Variants in PRDM11 observed in about 807,000 individuals in gnomAD.
The protein encoded by PRDM11 is PR domain-containing protein 11.
A neutral mutation model predicts 97.8 loss-of-function variants in PRDM11; 20 were observed. The ratio of observed to expected loss-of-function variants is 0.20; its 90% CI spans 0.14 to 0.30. PRDM11 has a LOEUF of 0.30. Among genes scored for constraint, PRDM11 ranks in the 10% least tolerant of loss-of-function variants. The probability of loss-of-function intolerance (pLI) is 1.00; values close to 1 mark genes in which losing one functional copy is unlikely to be tolerated. For missense variants in PRDM11, 1,139 were observed against 1,555.2 expected (o/e 0.73, Z 4.50); for synonymous variants, 599 against 637.7 (o/e 0.94, Z 0.91).
At chr11:45,153,203 C>T (rs996959878) in intron 1 of PRDM11, among the ~76,000 whole-genome samples, 90 of 152,292 alleles carry the variant, frequency 5.9e-4, no homozygotes, top group Non-Finnish European at 2.8e-4. Context: ...CGAGGGGACC[C>T]GCAGATAAAA....
intron 1 of PRDM11, among the ~76,000 whole-genome samples, chr11:45,100,852 A>G (rs1011094260): frequency 6.6e-6 from 1 of 152,244 alleles, no homozygotes; most frequent in Non-Finnish European, 1.5e-5. Context: ...AGCTTGAGGT[A>G]GGAACTGGGT....
At chr11:45,118,434 A>G (rs1852350662) in intron 1 of PRDM11, among the ~76,000 whole-genome samples, 1 of 152,202 alleles carries the variant, frequency 6.6e-6, no homozygotes, top group African/African-American at 2.4e-5. Flanking sequence ...AAAAAATAAA[A>G]TCTACCAAAA....
At chr11:45,123,669 A>C (rs1328793007) in intron 1 of PRDM11, among the ~76,000 whole-genome samples, 1 of 149,984 alleles carries the variant, frequency 6.7e-6, no homozygotes, top group Non-Finnish European at 1.5e-5. Context: ...ATGCAGCATT[A>C]TTTCTGAGGG....
chr11:45,152,219 A>G (rs1851676945), intron 1 of PRDM11, among the ~76,000 whole-genome samples: 1 of 151,936 alleles, frequency 6.6e-6, no homozygotes, highest in Admixed American at 6.6e-5. Context: ...GGCACATACC[A>G]CCACACTTGG....
intron 1 of PRDM11, among the ~76,000 whole-genome samples, chr11:45,175,070 T>C (rs1408082059): frequency 6.6e-6 from 1 of 152,238 alleles, no homozygotes; most frequent in East Asian, 1.9e-4. Flanking sequence ...CACATCCAGC[T>C]TCCCGGTTAT....
upstream of PRDM11, among the ~76,000 whole-genome samples, chr11:45,144,807 T>C (rs531975133): frequency 2.0e-5 from 3 of 152,346 alleles, no homozygotes; most frequent in South Asian, 6.2e-4. Flanking sequence ...GAACAACAAA[T>C]GGCTCCTTCC....
At chr11:45,129,900 G>T (rs933369221) in intron 1 of PRDM11, among the ~76,000 whole-genome samples, 2 of 152,164 alleles carry the variant, frequency 1.3e-5, no homozygotes, top group Non-Finnish European at 2.9e-5. Flanking sequence ...CAGTAGTTAA[G>T]AAGACTATGT....
At chr11:45,145,086 G>C (rs538355598), upstream of PRDM11, among the ~76,000 whole-genome samples, 1 of 152,046 alleles carries the variant, frequency 6.6e-6, no homozygotes, top group East Asian at 1.9e-4. Context: ...CGATAGGGTT[G>C]TTACTGTCTC....
At chr11:45,173,709 C>T (rs552100071) in intron 1 of PRDM11, among the ~76,000 whole-genome samples, 39 of 151,754 alleles carry the variant, frequency 2.6e-4, no homozygotes, top group Middle Eastern at 3.4e-3. Flanking sequence ...ACCCATGATG[C>T]TTAGTGGCGA....
At chr11:45,184,654 G>A (rs898677647) in intron 4 of PRDM11, among the ~76,000 whole-genome samples, 14 of 149,836 alleles carry the variant, frequency 9.3e-5, no homozygotes, top group African/African-American at 3.0e-4. Flanking sequence ...GAGAAATGGA[G>A]GAGGCTGGAA....
At chr11:45,156,510 G>A (rs906806795) in intron 1 of PRDM11, among the ~76,000 whole-genome samples, 5 of 152,224 alleles carry the variant, frequency 3.3e-5, no homozygotes, top group Non-Finnish European at 7.3e-5. Flanking sequence ...TGTGCTGGAT[G>A]GGTGTATGGT....
chr11:45,155,604 G>A (rs1366271467), intron 1 of PRDM11, among the ~76,000 whole-genome samples: 2 of 151,982 alleles, frequency 1.3e-5, no homozygotes, highest in African/African-American at 2.4e-5. Context: ...GCCAGAGGGG[G>A]TTTGCATTTG....
At chr11:45,099,971 T>C (rs1851944616) in intron 1 of PRDM11, among the ~76,000 whole-genome samples, 1 of 152,146 alleles carries the variant, frequency 6.6e-6, no homozygotes, top group Non-Finnish European at 1.5e-5. Flanking sequence ...GAAAGTTTTA[T>C]GGGATGGGAG....
intron 4 of PRDM11, among the ~76,000 whole-genome samples, chr11:45,188,738 T>C (rs1425598166): frequency 6.6e-6 from 1 of 152,186 alleles, no homozygotes; most frequent in Non-Finnish European, 1.5e-5. Context: ...CTATTGGAAA[T>C]TATAAATGCT....
At chr11:45,198,154 A>C (rs1590433818) in intron 4 of PRDM11, among the ~76,000 whole-genome samples, 1 of 152,206 alleles carries the variant, frequency 6.6e-6, no homozygotes, top group African/African-American at 2.4e-5. Flanking sequence ...TCACGTGCCA[A>C]TGTTCACAAA....
chr11:45,219,803 G>C lies in PRDM11; in HGVS notation c.742+46G>C, dbSNP rs753718135. 2 of 1,568,806 alleles carry C rather than the reference G, an allele frequency of 1.3e-6. No individual in the cohort carries two copies. On this transcript the variant is annotated intron_variant, in intron 6 of 7. Transcript: ENST00000683152. The surrounding 1 kb of genome is among the most constrained non-coding windows in gnomAD (Gnocchi z 4.2). ...GAGCTGCGCCCACCTCTGAGCCCCA[G>C]GGGAGGCCTGGATAGCTTGTTTTGG... is the stretch of plus-strand genomic sequence containing the variant.
rs1360415619 is a variant in PRDM11, at chr11:45,227,210, C to T, written c.2585C>T (p.Ser862Leu). Reference protein sequence around the residue: ...VSSQTQRADASAIALALLQFL... With the variant: ...VSSQTQRADALAIALALLQFL... ...AGCCAGACCCAGCGGGCAGACGCCT[C>T]GGCCATCGCACTGGCCCTGCTGCAG... is the stretch of plus-strand genomic sequence containing the variant. The change falls in exon 8 of 8, where the codon TCG becomes TTG. Residue 862 changes from serine to leucine, a missense_variant. Around this residue, in one of 2 missense-constraint regions of PRDM11, gnomAD observed 710 missense variants for 1,044.9 expected, o/e 0.68. Transcript: ENST00000683152. The surrounding 1 kb of genome is among the most constrained non-coding windows in gnomAD (Gnocchi z 8.0). 3.3e-6 allele frequency: 5 copies of T among 1,533,848 alleles called. No individual in the cohort carries two copies. The highest frequency in any genetic ancestry group is 2.4e-5 in the East Asian group (1 of 40,926).
At chr11:45,117,348 A>G (rs1469156469) in intron 1 of PRDM11, among the ~76,000 whole-genome samples, 1 of 152,140 alleles carries the variant, frequency 6.6e-6, no homozygotes, top group Non-Finnish European at 1.5e-5. Context: ...ATAAGTCCAT[A>G]CTGATATAAG....
intron 4 of PRDM11, among the ~76,000 whole-genome samples, chr11:45,201,115 C>T (rs769677143): frequency 3.2e-4 from 49 of 152,082 alleles, no homozygotes; most frequent in Non-Finnish European, 5.0e-4. Context: ...AATATGCAAT[C>T]GCAACTATTG....
Sources: gnomAD v4.1 joint callset for allele counts (sites outside exome capture counted in the v4.1 genomes callset) on GRCh38, gnomAD v4.1.1 for gene constraint, gnomAD v4.1.1 regional missense constraint, Gnocchi (gnomAD v3.1) non-coding constraint, MANE v1.5 for transcripts, NCBI Gene and HGNC (gene_info 2026-07-23, HGNC 2026-07-21) for gene names.